LDB3: variants seen among roughly 807,000 people sequenced by gnomAD.
LDB3 encodes the protein LIM domain-binding protein 3.
In LDB3, 49 loss-of-function variants were observed where a neutral mutation model predicts 69.0. The observed-to-expected ratio is 0.71, with a 90% CI of 0.56 to 0.90. The LOEUF is 0.90. Ranked by LOEUF, LDB3 falls within the 40% of genes least tolerant of loss-of-function variation. The pLI is 0.00. For synonymous variants in LDB3, 387 were observed against 396.2 expected, an observed-to-expected ratio of 0.98 and a Z score of 0.28; for missense variants, 928 against 974.1, an observed-to-expected ratio of 0.95 and a Z score of 0.63.
intron 9 of LDB3, 177 bp downstream of exon 9, chr10:86,710,227 C>A: frequency 1.0e-6 from 1 of 985,376 alleles, no homozygotes; most frequent in Non-Finnish European, 1.2e-6. Context: ...GAGCCTGCAT[C>A]TGGTCTGGGG....
At chr10:86,698,869 C>T (rs977349809) in intron 7 of LDB3, among the ~76,000 whole-genome samples, 1 of 152,138 alleles carries the variant, frequency 6.6e-6, no homozygotes, top group African/African-American at 2.4e-5. Context: ...CGAGGTGCAC[C>T]TGTCTGTTTG....
At chr10:86,716,217 C>A in intron 9 of LDB3, 110 bp from the exon 10 acceptor site, 2 of 1,282,858 alleles carry the variant, frequency 1.6e-6, no homozygotes, top group Non-Finnish European at 2.3e-6. Flanking sequence ...TGAAATTGTA[C>A]TGCTCTAATG....
At chr10:86,695,936 T>C (rs1845975455) in intron 7 of LDB3, among the ~76,000 whole-genome samples, 1 of 152,230 alleles carries the variant, frequency 6.6e-6, no homozygotes, top group South Asian at 2.1e-4. Flanking sequence ...TGCGTTTCCC[T>C]GATGCCTGCC....
chr10:86,696,465 T>TA lies in LDB3; in HGVS notation c.896+3894_896+3895insA, dbSNP rs143045825. 2.2e-3 allele frequency among the ~76,000 whole-genome samples: 341 copies of TA among 152,262 alleles called. 3 individuals carry two copies. The highest frequency in any genetic ancestry group is 6.8e-3 in the African/African-American group (282 of 41,544). ...TTCTTGCTCTTGCTCTCCTGTCTCT[T>TA]TTCCTCTCTCCTGTGCCTTCCTCTC... On this transcript the variant is annotated intron_variant, in intron 7 of 13. Transcript: ENST00000361373.
intron 5 of LDB3, among the ~76,000 whole-genome samples, chr10:86,689,962 C>G (rs1845680502): frequency 6.6e-6 from 1 of 152,214 alleles, no homozygotes; most frequent in South Asian, 2.1e-4. Flanking sequence ...TCATGAAAGG[C>G]ACAGCAGTTT....
intron 13 of LDB3, among the ~76,000 whole-genome samples, chr10:86,727,257 G>A (rs7075204): frequency 0.016 from 2,364 of 152,122 alleles, 63 homozygotes; most frequent in African/African-American, 0.054. Context: ...CCTGACCTCA[G>A]GTGATTCACC....
At chr10:86,667,747 G>T (rs1476708086), upstream of LDB3, among the ~76,000 whole-genome samples, 1 of 152,224 alleles carries the variant, frequency 6.6e-6, no homozygotes, top group African/African-American at 2.4e-5. Flanking sequence ...AGGGTCTGGA[G>T]GGGATGGGCC....
rs908851750 is a variant in LDB3 at position 86,734,127 on chromosome 10, A to G, written c.*1151A>G. On this transcript the variant is annotated 3_prime_UTR_variant, in exon 14 of 14. Transcript: ENST00000361373. ...TCATCCTTTTCAAATGTTCCTTTAA[A>G]TGCAGCACACTGAGTTTGTACAATT... The G allele has an allele frequency of 1.3e-5, 2 of 152,248 alleles. No individual in the cohort carries two copies. The highest frequency in any genetic ancestry group is 4.8e-5 in the African/African-American group (2 of 41,470). 9.4% of individuals were successfully genotyped at this position (152,248 alleles called of 1,614,324 possible).
chr10:86,726,100 A>G (rs748446023), intron 12 of LDB3, 37 bp from the exon 13 acceptor site: 2 of 1,492,358 alleles, frequency 1.3e-6, no homozygotes, highest in Non-Finnish European at 1.9e-6. Context: ...CGCTGCCCCC[A>G]CTGGGTGCGG....
At chr10:86,726,411 G>A (rs1847259690) in intron 13 of LDB3, 159 bp downstream of exon 13, 1 of 672,418 alleles carries the variant, frequency 1.5e-6, no homozygotes, top group African/African-American at 1.8e-5. Flanking sequence ...ATACATCACA[G>A]TCGAACAAAG....
chr10:86,685,146 G>T (rs1241074547), intron 5 of LDB3, among the ~76,000 whole-genome samples: 5 of 152,056 alleles, frequency 3.3e-5, no homozygotes, highest in Non-Finnish European at 7.4e-5. Context: ...GTCAGGTTTG[G>T]GGGGGCATAG....
intron 7 of LDB3, among the ~76,000 whole-genome samples, chr10:86,694,320 G>A (rs1400250125): frequency 6.6e-6 from 1 of 152,192 alleles, no homozygotes; most frequent in Non-Finnish European, 1.5e-5. Flanking sequence ...AAGGGTGGGA[G>A]AGTAGTCCTT....
chr10:86,724,343 G>A lies in LDB3; in HGVS notation c.1979-1794G>A, dbSNP rs563056020. 4.5e-3 allele frequency among the ~76,000 whole-genome samples: 686 copies of A among 151,672 alleles called. 5 individuals carry two copies. The highest frequency in any genetic ancestry group is 4.2e-3 in the Non-Finnish European group (287 of 67,942). ...AAATAGGCTGGGCGCGGTGGCTCAC[G>A]CCTGTAATCCCAGAACTTTGGGAGG... is the stretch of plus-strand genomic sequence containing the variant. On this transcript the variant is annotated intron_variant, in intron 12 of 13. Transcript: ENST00000361373.
At chr10:86,680,018 C>A (rs2132363240) in intron 3 of LDB3, 64 bp from the exon 4 acceptor site, 1 of 1,442,292 alleles carries the variant, frequency 6.9e-7, no homozygotes, top group African/African-American at 1.4e-5. Flanking sequence ...CCAGCCCTGC[C>A]CAGGCAGGAG....
chr10:86,667,781 C>T (rs967960083), upstream of LDB3, among the ~76,000 whole-genome samples: 1 of 152,210 alleles, frequency 6.6e-6, no homozygotes, highest in African/African-American at 2.4e-5. Context: ...CTTTCAGACC[C>T]TATGCCAAGG....
Position 86,681,899 on chromosome 10 carries a change from T to G in LDB3, c.689+96T>G, listed in dbSNP as rs1845169286. 4 of 1,293,650 alleles carry G rather than the reference T, an allele frequency of 3.1e-6. No homozygotes were observed. In the African/African-American group the frequency reaches 5.9e-5, roughly 19 times the overall value. The allele number at this position is 1,293,650 out of a possible 1,614,324, so 80.1% of individuals were successfully genotyped here. On this transcript the variant is annotated intron_variant, in intron 5 of 13. Coordinates refer to ENST00000361373, the MANE Select transcript of LDB3 (RefSeq NM_007078.3). Reference sequence around the variant, plus strand: ...TGGTCAGGTGGTCAGAGCGAGGCACTGGCCCCAATCCAGCCAGCCCCGAGC... The same window carrying G: ...TGGTCAGGTGGTCAGAGCGAGGCACGGGCCCCAATCCAGCCAGCCCCGAGC...
intron 7 of LDB3, among the ~76,000 whole-genome samples, chr10:86,704,057 T>G (rs1846353476): frequency 6.6e-6 from 1 of 151,012 alleles, no homozygotes; most frequent in Admixed American, 6.6e-5. Context: ...GAGGTTGCAG[T>G]GAGCCGAGAT....
chr10:86,674,066 C>A (rs569880933), intron 2 of LDB3, among the ~76,000 whole-genome samples: 3 of 152,276 alleles, frequency 2.0e-5, no homozygotes, highest in South Asian at 2.1e-4. Flanking sequence ...AGGGCTGGCT[C>A]CTCAAGCTCC....
intron 9 of LDB3, among the ~76,000 whole-genome samples, chr10:86,715,568 T>C (rs1846836597): frequency 6.6e-6 from 1 of 152,128 alleles, no homozygotes; most frequent in South Asian, 2.1e-4. Flanking sequence ...GGGCAATCTT[T>C]AGACAGTCAC....
Sources: allele counts gnomAD v4.1 joint callset (sites outside exome capture counted in the v4.1 genomes callset), GRCh38; gene constraint gnomAD v4.1.1; transcripts MANE v1.5; gene names NCBI Gene and HGNC (gene_info 2026-07-23, HGNC 2026-07-21).